Variants in GAS6 observed in about 807,000 individuals in gnomAD.
GAS6 encodes the protein growth arrest specific 6.
GAS6 carries 41 observed loss-of-function variants against 75.8 expected under a neutral mutation model. The observed-to-expected ratio is 0.54, with a 90% CI of 0.42 to 0.70. The LOEUF is 0.70. Among genes scored for constraint, GAS6 ranks in the 30% least tolerant of loss-of-function variants. GAS6 has a pLI of 0.00. For synonymous variants in GAS6, 432 were observed against 412.6 expected, an observed-to-expected ratio of 1.05 and a Z score of -0.57; for missense variants, 854 against 940.2, an observed-to-expected ratio of 0.91 and a Z score of 1.20.
At chr13:113,834,481 C>G in intron 8 of GAS6, 70 bp downstream of exon 8, 1 of 1,400,398 alleles carries the variant, frequency 7.1e-7, no homozygotes, top group South Asian at 1.6e-5. Context: ...AAGTGTTTCT[C>G]CCGAAAGCCC....
intron 3 of GAS6, among the ~76,000 whole-genome samples, chr13:113,847,407 A>G (rs1272069185): frequency 6.6e-6 from 1 of 152,240 alleles, no homozygotes. Flanking sequence ...TCTCCTTCTA[A>G]GTGAAATGCT....
At position 113,828,619 on chromosome 13, in the gene GAS6, C is replaced by T. The variant is rs139784202; in HGVS notation, c.1236G>A (p.Pro412=). ...GGTTCAGATGATACAGTCCTCGCTC[C>T]GGTTGGAACAAGTCCCCGGCCACCG... ...KIAVAGDLFQ[P]ERGLYHLNLT... Residue 412 remains proline (P), a synonymous_variant, in exon 11 of 15, where the codon CCG becomes CCA. Coordinates refer to ENST00000327773, the MANE Select transcript of GAS6 (RefSeq NM_000820.4). The T allele has an allele frequency of 1.8e-4, 285 of 1,613,632 alleles. 1 individual carries two copies. The highest frequency in any genetic ancestry group is 1.0e-3 in the South Asian group (94 of 91,084).
intron 10 of GAS6, 118 bp from the exon 11 acceptor site, chr13:113,828,829 C>T (rs547115003): frequency 8.9e-7 from 1 of 1,120,880 alleles, no homozygotes; most frequent in East Asian, 2.4e-5. Context: ...TCGGGGAGGC[C>T]ACCTGATCCT....
chr13:113,843,133 CCCCCGAGGGCA>C, intron 4 of GAS6: 1 of 320,302 alleles, frequency 3.1e-6, no homozygotes, highest in Non-Finnish European at 5.6e-6. Context: ...CCTCTGCAGG[CCCCCGAGGGCA>C]CCCACTTCCC....
At chr13:113,834,496 C>G in intron 8 of GAS6, 55 bp downstream of exon 8, 2 of 1,432,482 alleles carry the variant, frequency 1.4e-6, no homozygotes, top group South Asian at 3.0e-5. Context: ...AAGCCCCCAC[C>G]GGCGAGGGCC....
In GAS6 at chr13:113,835,008, C is replaced by T. The variant is rs986886598; in HGVS notation, c.713-336G>A. On this transcript the variant is annotated intron_variant, in intron 7 of 14. Coordinates refer to ENST00000327773, the MANE Select transcript of GAS6 (RefSeq NM_000820.4). ...CTGGGCTGTGCAGTGAGGTGTCCCCCGGAGCACAGAGGGGCCGACAGCTGT... is the reference window on the plus strand; with the variant it reads ...CTGGGCTGTGCAGTGAGGTGTCCCCTGGAGCACAGAGGGGCCGACAGCTGT... 2.3e-4 allele frequency among the ~76,000 whole-genome samples: 35 copies of T among 152,228 alleles called. 1 individual carries two copies. Among genetic ancestry groups the T allele is most frequent in the African/African-American group, 4.8e-5 (2 of 41,458 alleles).
In GAS6 at chr13:113,828,646, G is replaced by A. The variant is rs756300314; in HGVS notation, c.1209C>T (p.Ile403=). ...IKVNRDAVMK[I]AVAGDLFQPE... ...GTTGGAACAAGTCCCCGGCCACCGC[G>A]ATTTTCATGACAGCATCCCTGTTGA... The change falls in exon 11 of 15, where the codon ATC becomes ATT. Residue 403 remains isoleucine (I), a synonymous_variant. Transcript: ENST00000327773. 32 of 1,613,460 alleles carry A rather than the reference G, an allele frequency of 2.0e-5. No individual in the cohort carries two copies. Among genetic ancestry groups the A allele is most frequent in the African/African-American group, 2.7e-5 (2 of 74,928 alleles).
chr13:113,833,035 A>C lies in GAS6; in HGVS notation c.835-283T>G, dbSNP rs926801689. 9 of 1,323,930 alleles carry C rather than the reference A, an allele frequency of 6.8e-6. No individual in the cohort carries two copies. The African/African-American group carries it at 1.3e-4, about 20-fold the overall frequency. The allele number at this position is 1,323,930 out of a possible 1,614,324, so 82.0% of individuals were successfully genotyped here. A position where few individuals can be genotyped will look rare whatever the true frequency, so the allele number is the denominator to read the frequency against. On this transcript the variant is annotated intron_variant, in intron 8 of 14. Transcript: ENST00000327773. ...TGACCCTTTATTTTTAAATTATGAA[A>C]TATTTCAAGCATACAAAAATTACAG...
In GAS6 at chr13:113,820,615, A is replaced by C. The variant is rs2051440413; in HGVS notation, c.*249T>G. 4.2e-6 allele frequency: 2 copies of C among 475,470 alleles called. No homozygotes were observed. Among genetic ancestry groups the C allele is most frequent in the Non-Finnish European group, 7.5e-6 (2 of 267,540 alleles). 29.5% of individuals were successfully genotyped at this position (475,470 alleles called of 1,614,324 possible). A position where few individuals can be genotyped will look rare whatever the true frequency, so the allele number is the denominator to read the frequency against. On this transcript the variant is annotated 3_prime_UTR_variant, in exon 15 of 15. Coordinates refer to ENST00000327773, the MANE Select transcript of GAS6 (RefSeq NM_000820.4). Reference sequence around the variant, plus strand: ...AGTCAGAAAGAAGCGCTTGGTAATAAAAATAATAGAGAATTATTTTCTTCG... The same window carrying C: ...AGTCAGAAAGAAGCGCTTGGTAATACAAATAATAGAGAATTATTTTCTTCG...
chr13:113,828,439 C>T (rs2051581863), intron 11 of GAS6, 108 bp downstream of exon 11: 1 of 1,180,744 alleles, frequency 8.5e-7, no homozygotes, highest in Non-Finnish European at 1.2e-6. Context: ...GTCCTCCTCA[C>T]ACCTGGTTAA....
chr13:113,840,235 T>G, intron 4 of GAS6: 1 of 223,768 alleles, frequency 4.5e-6, no homozygotes, highest in East Asian at 1.6e-4. Context: ...CGGAACATTC[T>G]GCCTTCCCTG....
chr13:113,821,080 CCCCACCCCCGGCA>C (rs2051450998), intron 14 of GAS6, 62 bp from the exon 15 acceptor site: 2 of 1,575,114 alleles, frequency 1.3e-6, no homozygotes, highest in Admixed American at 1.7e-5. Context: ...CGCCTGGCCC[CCCCACCCCCGGCA>C]GCGCTTGTGG....
At chr13:113,853,381 G>A (rs987399650) in intron 2 of GAS6, among the ~76,000 whole-genome samples, 3 of 152,252 alleles carry the variant, frequency 2.0e-5, no homozygotes, top group Non-Finnish European at 4.4e-5. Flanking sequence ...CACAGTCCCC[G>A]CAGAGCTGCA....
chr13:113,857,656 G>A (rs1378706047), intron 2 of GAS6, among the ~76,000 whole-genome samples: 3 of 152,202 alleles, frequency 2.0e-5, no homozygotes, highest in Admixed American at 6.5e-5. Context: ...CAAGCTTAAC[G>A]CCCCTTTACT....
At position 113,834,450 on chromosome 13, in the gene GAS6, G is replaced by A. The variant is rs962315290; in HGVS notation, c.834+101C>T. Reference sequence around the variant, plus strand: ...GGCCCTGGAGATCCCCAACACCTTAGCAAAGGCCAGGTCTTCACGGAAGTG... The same window carrying A: ...GGCCCTGGAGATCCCCAACACCTTAACAAAGGCCAGGTCTTCACGGAAGTG... On this transcript the variant is annotated intron_variant, in intron 8 of 14. Coordinates refer to ENST00000327773, the MANE Select transcript of GAS6 (RefSeq NM_000820.4). 12 of 1,260,976 alleles carry A rather than the reference G, an allele frequency of 9.5e-6. No homozygotes were observed. The Admixed American group carries it at 2.6e-4, about 28-fold the overall frequency. The allele number at this position is 1,260,976 out of a possible 1,614,324, so 78.1% of individuals were successfully genotyped here.
intron 2 of GAS6, among the ~76,000 whole-genome samples, chr13:113,854,090 C>T (rs770986641): frequency 2.0e-5 from 3 of 152,228 alleles, no homozygotes; most frequent in East Asian, 1.9e-4. Flanking sequence ...CCAGGGTCAG[C>T]GGTGACAGGT....
At chr13:113,822,446 T>G in intron 13 of GAS6, 1 of 390,786 alleles carries the variant, frequency 2.6e-6, no homozygotes, top group Non-Finnish European at 4.6e-6. Flanking sequence ...AGGTTGGGTG[T>G]GAGAGGGTCA....
At chr13:113,832,908 C>T (rs957002116) in intron 8 of GAS6, 156 bp from the exon 9 acceptor site, 2 of 1,518,126 alleles carry the variant, frequency 1.3e-6, no homozygotes, top group African/African-American at 1.4e-5. Context: ...GGCTGTCACA[C>T]CTGCCCCACT....
At chr13:113,855,708 G>T (rs2051909158) in intron 2 of GAS6, among the ~76,000 whole-genome samples, 1 of 152,188 alleles carries the variant, frequency 6.6e-6, no homozygotes. Context: ...GCTCTGCCCA[G>T]CTGGTGTAAG....
Sources: gnomAD v4.1 joint callset for allele counts (sites outside exome capture counted in the v4.1 genomes callset) on GRCh38, gnomAD v4.1.1 for gene constraint, MANE v1.5 for transcripts, NCBI Gene and HGNC (gene_info 2026-07-23, HGNC 2026-07-21) for gene names.